Variants in MFAP5 observed in about 807,000 individuals in gnomAD.
MFAP5 encodes the protein microfibril associated protein 5.
In MFAP5, 19 loss-of-function variants were observed where a neutral mutation model predicts 30.1. That is an observed-to-expected ratio of 0.63 (90% confidence interval 0.44 to 0.93). The LOEUF (loss-of-function observed/expected upper bound fraction) is 0.93. MFAP5 is among the 40% of genes least tolerant of loss of function. The pLI, the probability that MFAP5 is intolerant of heterozygous loss-of-function variation, is 0.00. For missense variants in MFAP5, 210 were observed against 221.3 expected, an observed-to-expected ratio of 0.95 and a Z score of 0.32; for synonymous variants, 92 against 72.9, an observed-to-expected ratio of 1.26 and a Z score of -1.33.
intron 2 of MFAP5, 152 bp from the exon 3 acceptor site, chr12:8,661,050 A>T (rs760834986): frequency 9.0e-6 from 5 of 554,724 alleles, no homozygotes; most frequent in Non-Finnish European, 1.5e-5. Flanking sequence ...TACTGAGACC[A>T]TTAGTGCTAT....
intron 3 of MFAP5, among the ~76,000 whole-genome samples, chr12:8,659,983 T>C (rs1453026321): frequency 6.6e-6 from 1 of 152,096 alleles, no homozygotes; most frequent in Non-Finnish European, 1.5e-5. Flanking sequence ...AAATTATAAT[T>C]ATGTTGAATG....
At chr12:8,659,090 T>C (rs1037882124) in intron 3 of MFAP5, among the ~76,000 whole-genome samples, 1 of 148,740 alleles carries the variant, frequency 6.7e-6, no homozygotes, top group African/African-American at 2.5e-5. Context: ...CTGCAGATCA[T>C]CTGAGGTCAG....
rs768885285 is a variant in MFAP5 at position 8,648,155 on chromosome 12, C to T, written c.458G>A (p.Arg153His). The change falls in exon 10 of 10, where the codon CGC becomes CAC. Residue 153 changes from arginine to histidine, a missense_variant. Arg to His is a conservative substitution (Grantham distance 29, BLOSUM62 0). Transcript: ENST00000359478. ...GGGAGGAAGTCGGAAGTAATTGGAG[C>T]GACGGAGTCTCCTAGGGGGCAGACC... ...MAGLPPRRLR[R>H]SNYFRLPPCE... 16 of 1,613,718 alleles carry T rather than the reference C, an allele frequency of 9.9e-6. No individual in the cohort carries two copies. The highest frequency in any genetic ancestry group is 9.3e-5 in the African/African-American group (7 of 74,884).
At chr12:8,650,269 C>T in intron 8 of MFAP5, 1 of 511,996 alleles carries the variant, frequency 2.0e-6, no homozygotes, top group Non-Finnish European at 3.5e-6. Context: ...ACCCTTCTTC[C>T]TCCAGCGCCC....
At chr12:8,654,929 A>G (rs1215523599) in intron 5 of MFAP5, among the ~76,000 whole-genome samples, 1 of 144,132 alleles carries the variant, frequency 6.9e-6, no homozygotes, top group Non-Finnish European at 1.5e-5. Flanking sequence ...CTACAGAGCT[A>G]GACTCTGTCT....
chr12:8,660,694 A>G lies in MFAP5; in HGVS notation c.94+169T>C, dbSNP rs111702709. On this transcript the variant is annotated intron_variant, in intron 3 of 9. Coordinates refer to ENST00000359478, the MANE Select transcript of MFAP5 (RefSeq NM_003480.4). Reference sequence around the variant, plus strand: ...ATAATAGGATTGTGGAAACTGGTGAAGTTGATCCTATTTCTCACACTTTGG... The same window carrying G: ...ATAATAGGATTGTGGAAACTGGTGAGGTTGATCCTATTTCTCACACTTTGG... Among the ~76,000 whole-genome samples the G allele has an allele frequency of 0.032, 4,886 of 152,100 alleles. 274 individuals are homozygous for G. Among genetic ancestry groups the G allele is most frequent in the African/African-American group, 0.11 (4,629 of 41,462 alleles).
chr12:8,649,239 C>G (rs1016299808), intron 9 of MFAP5, among the ~76,000 whole-genome samples: 2 of 152,098 alleles, frequency 1.3e-5, no homozygotes, highest in Non-Finnish European at 2.9e-5. Context: ...TCAGAAAGCT[C>G]TCTAAGTAGG....
intron 2 of MFAP5, 111 bp downstream of exon 2, chr12:8,661,935 AC>A: frequency 9.6e-7 from 1 of 1,041,686 alleles, no homozygotes; most frequent in South Asian, 1.3e-5. Flanking sequence ...AGAGCTCAAT[AC>A]CAAGCATCTC....
At position 8,655,460 on chromosome 12, in the gene MFAP5, A is replaced by T; in HGVS notation, c.140-13T>A. On this transcript the variant is annotated splice_polypyrimidine_tract_variant and intron_variant, in intron 4 of 9. Coordinates refer to ENST00000359478, the MANE Select transcript of MFAP5 (RefSeq NM_003480.4). ...TCATTCACCAGATCTGCAAAGACAC[A>T]TAACAAGGAATGAAAAAATGCAGTC... The T allele has an allele frequency of 6.2e-7, 1 of 1,606,324 alleles. No individual in the cohort carries two copies. Among genetic ancestry groups the T allele is most frequent in the Non-Finnish European group, 8.5e-7 (1 of 1,176,974 alleles).
intron 3 of MFAP5, among the ~76,000 whole-genome samples, chr12:8,659,244 G>T: frequency 6.6e-6 from 1 of 151,650 alleles, no homozygotes; most frequent in Non-Finnish European, 1.5e-5. Context: ...GGAGATGGAG[G>T]TTGCAGTGAG....
rs1010739050 is a variant in MFAP5 at position 8,652,477 on chromosome 12, TAAAG to T, written c.218-790_218-787del. The stretch of plus-strand genomic sequence containing the variant: ...ATAAATAAATAAATAAATAAATAAA[TAAAG>T]AATAATGAGAGTCATCCTAACCTAG... On this transcript the variant is annotated intron_variant, in intron 6 of 9. Transcript: ENST00000359478. Among the ~76,000 whole-genome samples, 73 of 110,394 alleles carry T rather than the reference TAAAG, an allele frequency of 6.6e-4. No homozygotes were observed. The East Asian group carries it at 0.015, about 22-fold the overall frequency. 72.4% of individuals were successfully genotyped at this position (110,394 alleles called of 152,430 possible).
rs1382412198 is a variant in MFAP5 at position 8,646,457 on chromosome 12, A to G, written c.*1634T>C. 2.6e-5 allele frequency: 4 copies of G among 152,232 alleles called. No homozygotes were observed. Among genetic ancestry groups the G allele is most frequent in the South Asian group, 2.1e-4 (1 of 4,818 alleles). 9.4% of individuals were successfully genotyped at this position (152,232 alleles called of 1,614,324 possible). On this transcript the variant is annotated 3_prime_UTR_variant, in exon 10 of 10. Transcript: ENST00000359478. The stretch of plus-strand genomic sequence containing the variant: ...AAGGATTCATGATATATAATTTGTC[A>G]TTTGTTATAATGGGATTTTCTTCTA...
At position 8,647,695 on chromosome 12, in the gene MFAP5, G is replaced by A. The variant is rs1385612097; in HGVS notation, c.*396C>T. On this transcript the variant is annotated 3_prime_UTR_variant, in exon 10 of 10. Transcript: ENST00000359478. ...TGAGGAAAATAAATGAAATTCTATG[G>A]TTAGCCCAAATAGACAAAGATAGCT... 4 of 152,464 alleles carry A rather than the reference G, an allele frequency of 2.6e-5. No individual in the cohort carries two copies. Among genetic ancestry groups the A allele is most frequent in the East Asian group, 1.9e-4 (1 of 5,214 alleles). The allele number at this position is 152,464 out of a possible 1,614,324, so 9.4% of individuals were successfully genotyped here.
chr12:8,660,651 G>A (rs1309979493), intron 3 of MFAP5, among the ~76,000 whole-genome samples: 1 of 151,996 alleles, frequency 6.6e-6, no homozygotes, highest in Non-Finnish European at 1.5e-5. Context: ...ACACACACAA[G>A]AAGCTTTTAT....
At chr12:8,661,213 C>A (rs766018105) in intron 2 of MFAP5, among the ~76,000 whole-genome samples, 1 of 152,298 alleles carries the variant, frequency 6.6e-6, no homozygotes, top group African/African-American at 2.4e-5. Context: ...AAGTCCAGCT[C>A]CACTGAGAGG....
At position 8,662,113 on chromosome 12, in the gene MFAP5, G is replaced by C; in HGVS notation, c.-2-7C>G. The C allele has an allele frequency of 6.2e-7, 1 of 1,612,912 alleles. No homozygotes were observed. Among genetic ancestry groups the C allele is most frequent in the Non-Finnish European group, 8.5e-7 (1 of 1,179,688 alleles). ...GGTCCCAAGAGCGACATATCTATAG[G>C]GGTGGTGGGCATAGCAGAGAATGTG... On this transcript the variant is annotated splice_polypyrimidine_tract_variant and splice_region_variant and intron_variant, in intron 1 of 9. Coordinates refer to ENST00000359478, the MANE Select transcript of MFAP5 (RefSeq NM_003480.4).
At chr12:8,649,778 T>G (rs901439845) in intron 8 of MFAP5, among the ~76,000 whole-genome samples, 1 of 152,242 alleles carries the variant, frequency 6.6e-6, no homozygotes, top group African/African-American at 2.4e-5. Context: ...ATTACTCTTC[T>G]GTTTTTTAAA....
At chr12:8,650,641 A>G (rs757660053) in intron 7 of MFAP5, 52 bp from the exon 8 acceptor site, 2 of 1,484,168 alleles carry the variant, frequency 1.3e-6, no homozygotes, top group Non-Finnish European at 1.9e-6. Context: ...AAGCAGCATA[A>G]ATGAAGGATT....
rs1942162457 is a variant in MFAP5, at chr12:8,661,935, A to G, written c.58+112T>C. On this transcript the variant is annotated intron_variant, in intron 2 of 9. Transcript: ENST00000359478. ...TCTAATAGGAATTCCAGAGCTCAAT[A>G]CCAAGCATCTCTACTGCTATTCCTC... 5 of 1,041,686 alleles carry G rather than the reference A, an allele frequency of 4.8e-6. No individual in the cohort carries two copies. The African/African-American group carries it at 7.8e-5, about 16-fold the overall frequency. 64.5% of individuals were successfully genotyped at this position (1,041,686 alleles called of 1,614,324 possible). A position where few individuals can be genotyped will look rare whatever the true frequency, so the allele number is the denominator to read the frequency against.
Sources: gnomAD v4.1 joint callset for allele counts (sites outside exome capture counted in the v4.1 genomes callset) on GRCh38, gnomAD v4.1.1 for gene constraint, MANE v1.5 for transcripts, NCBI Gene and HGNC (gene_info 2026-07-23, HGNC 2026-07-21) for gene names.